The following TRPM3 variants were observed in gnomAD, a reference collection of about 807,000 sequenced individuals.
The protein encoded by TRPM3 is transient receptor potential cation channel subfamily M member 3.
Under a neutral mutation model 181.2 loss-of-function variants are expected in TRPM3, and 77 were observed. The ratio of observed to expected loss-of-function variants is 0.42; its 90% CI spans 0.35 to 0.51. The LOEUF (loss-of-function observed/expected upper bound fraction) is 0.51. Among genes scored for constraint, TRPM3 ranks in the 20% least tolerant of loss-of-function variants. The pLI is 0.01. For synonymous variants in TRPM3, 745 were observed against 796.4 expected (o/e 0.94, Z 1.09); for missense variants, 1,759 against 2,196.7 (o/e 0.80, Z 3.98).
chr9:71,024,663 GT>G (rs2097877571), intron 1 of TRPM3, among the ~76,000 whole-genome samples: 1 of 152,156 alleles, frequency 6.6e-6, no homozygotes, highest in East Asian at 1.9e-4. Flanking sequence ...ATCACCTAGG[GT>G]TTTGTTAGGA....
chr9:70,940,032 C>T (rs1228829637), intron 1 of TRPM3, among the ~76,000 whole-genome samples: 4 of 152,156 alleles, frequency 2.6e-5, no homozygotes, highest in African/African-American at 9.7e-5. Flanking sequence ...GTTTGGGTGG[C>T]TTTAACCACC....
intron 1 of TRPM3, among the ~76,000 whole-genome samples, chr9:71,054,340 T>A (rs1225791720): frequency 6.6e-6 from 1 of 152,082 alleles, no homozygotes; most frequent in African/African-American, 2.4e-5. Context: ...GCTATGAAAC[T>A]CTATTCCCCC....
At chr9:70,912,383 A>G (rs2096547321) in intron 1 of TRPM3, among the ~76,000 whole-genome samples, 1 of 152,236 alleles carries the variant, frequency 6.6e-6, no homozygotes, top group African/African-American at 2.4e-5. Context: ...TATGTTTGGG[A>G]AAAATAATTT....
intron 9 of TRPM3, among the ~76,000 whole-genome samples, chr9:70,672,969 C>T (rs1237337733): frequency 6.6e-6 from 1 of 152,084 alleles, no homozygotes; most frequent in African/African-American, 2.4e-5. Context: ...GGTGCAAACA[C>T]CTGTGCACCT....
intron 1 of TRPM3, among the ~76,000 whole-genome samples, chr9:71,262,709 G>A (rs2083146258): frequency 6.6e-6 from 1 of 152,202 alleles, no homozygotes; most frequent in Non-Finnish European, 1.5e-5. Flanking sequence ...AAGACCGTGG[G>A]AAAAGCGTAG....
chr9:70,577,777 C>T (rs1401500806), intron 22 of TRPM3, among the ~76,000 whole-genome samples: 1 of 152,186 alleles, frequency 6.6e-6, no homozygotes, highest in Non-Finnish European at 1.5e-5. Flanking sequence ...AGTGCATGAC[C>T]TGTTTGATAG....
chr9:71,202,833 G>C (rs953928223), intron 1 of TRPM3, among the ~76,000 whole-genome samples: 5 of 152,130 alleles, frequency 3.3e-5, no homozygotes, highest in Non-Finnish European at 4.4e-5. Flanking sequence ...CCTCATAGAG[G>C]TGTTAGAAGG....
intron 9 of TRPM3, among the ~76,000 whole-genome samples, chr9:70,653,696 A>C (rs80232207): frequency 5.5e-5 from 8 of 145,806 alleles, no homozygotes; most frequent in Non-Finnish European, 9.1e-5. Context: ...AAAAAAAAAA[A>C]AAAACAAACC....
intron 1 of TRPM3, among the ~76,000 whole-genome samples, chr9:70,915,911 T>G (rs1256678187): frequency 6.6e-6 from 1 of 151,694 alleles, no homozygotes; most frequent in Non-Finnish European, 1.5e-5. Flanking sequence ...CCAAGCAGAT[T>G]TGATCCAAAG....
At chr9:70,897,602 G>C (rs963855093) in intron 1 of TRPM3, among the ~76,000 whole-genome samples, 42 of 152,028 alleles carry the variant, frequency 2.8e-4, no homozygotes, top group Admixed American at 2.6e-3. Flanking sequence ...AGAGAAAATT[G>C]TTTTCTCAGA....
At chr9:71,440,979 C>G (rs1210099901) in intron 1 of TRPM3, among the ~76,000 whole-genome samples, 1 of 152,014 alleles carries the variant, frequency 6.6e-6, no homozygotes, top group Non-Finnish European at 1.5e-5. Flanking sequence ...GTTCTAATAT[C>G]TTTGGGAATA....
intron 1 of TRPM3, among the ~76,000 whole-genome samples, chr9:71,309,738 G>A (rs985498593): frequency 2.0e-5 from 3 of 152,028 alleles, no homozygotes; most frequent in East Asian, 1.9e-4. Context: ...CAAGCAATAC[G>A]CTGATATCTT....
chr9:71,211,441 T>C (rs935964458), intron 1 of TRPM3, among the ~76,000 whole-genome samples: 2 of 152,116 alleles, frequency 1.3e-5, no homozygotes, highest in African/African-American at 4.8e-5. Flanking sequence ...ATTCAAAGTT[T>C]CAGTGTCCCA....
At chr9:71,211,210 G>A (rs74380493) in intron 1 of TRPM3, among the ~76,000 whole-genome samples, 1,645 of 152,198 alleles carry the variant, frequency 0.011, 27 homozygotes, top group East Asian at 0.075. Context: ...AGGAATCTCA[G>A]AGTCATTAAC....
intron 1 of TRPM3, among the ~76,000 whole-genome samples, chr9:71,156,290 C>T (rs1371136324): frequency 6.6e-6 from 1 of 150,856 alleles, no homozygotes; most frequent in Non-Finnish European, 1.5e-5. Flanking sequence ...TCATTAAATT[C>T]TTTAAGCCTT....
chr9:70,944,677 G>C (rs916259297), intron 1 of TRPM3, among the ~76,000 whole-genome samples: 5 of 152,038 alleles, frequency 3.3e-5, no homozygotes, highest in Non-Finnish European at 7.4e-5. Flanking sequence ...TTGATTTAGG[G>C]ACATTCATTA....
At chr9:71,338,869 C>T (rs1352226619) in intron 1 of TRPM3, among the ~76,000 whole-genome samples, 2 of 152,074 alleles carry the variant, frequency 1.3e-5, no homozygotes, top group Non-Finnish European at 2.9e-5. Context: ...GAATATTCAC[C>T]TTTTCAATAC....
At chr9:71,333,476 C>G (rs983930246) in intron 1 of TRPM3, among the ~76,000 whole-genome samples, 4 of 152,000 alleles carry the variant, frequency 2.6e-5, no homozygotes, top group African/African-American at 9.7e-5. Context: ...ATGCAGCTAG[C>G]ACACTATCTG....
chr9:71,154,120 AAAT>A (rs754241970), intron 1 of TRPM3, among the ~76,000 whole-genome samples: 3 of 152,162 alleles, frequency 2.0e-5, no homozygotes, highest in Non-Finnish European at 4.4e-5. Context: ...CTTGAAATAA[AAAT>A]AATTTTATTT....
Sources: allele counts gnomAD v4.1 joint callset (sites outside exome capture counted in the v4.1 genomes callset), GRCh38; gene constraint gnomAD v4.1.1; transcripts MANE v1.5; gene names NCBI Gene and HGNC (gene_info 2026-07-23, HGNC 2026-07-21).